Variants in SNW1 observed in about 807,000 individuals in gnomAD.
SNW1 encodes SNW domain-containing protein 1.
In SNW1, 9 loss-of-function variants were observed where a neutral mutation model predicts 75.6. The observed-to-expected ratio is 0.12, with a 90% CI of 0.07 to 0.21. The LOEUF (loss-of-function observed/expected upper bound fraction) is 0.21, where lower values mean the gene tolerates loss of function less well. Among genes scored for constraint, SNW1 ranks in the 10% least tolerant of loss-of-function variants. SNW1 has a pLI of 1.00. For missense variants in SNW1, 409 were observed against 670.9 expected, an observed-to-expected ratio of 0.61 and a Z score of 4.31; for synonymous variants, 200 against 219.1, an observed-to-expected ratio of 0.91 and a Z score of 0.77.
intron 1 of SNW1, among the ~76,000 whole-genome samples, chr14:77,757,224 C>CAA (rs201528915): frequency 0.012 from 1,666 of 142,358 alleles, 17 homozygotes; most frequent in African/African-American, 0.04. Flanking sequence ...AGACAGAGAC[C>CAA]AAAAAAAAAA....
intron 1 of SNW1, among the ~76,000 whole-genome samples, chr14:77,756,328 C>T (rs971942746): frequency 4.0e-5 from 6 of 151,682 alleles, no homozygotes; most frequent in Non-Finnish European, 1.5e-5. Context: ...CATGTTGGCC[C>T]ATGTTGGTCA....
At chr14:77,757,658 A>C (rs189075915) in intron 1 of SNW1, among the ~76,000 whole-genome samples, 1 of 152,284 alleles carries the variant, frequency 6.6e-6, no homozygotes, top group Admixed American at 6.5e-5. Flanking sequence ...ACTGTATTGC[A>C]ATCATCTACT....
At position 77,761,117 on chromosome 14, in the gene SNW1, G is replaced by A. The variant is rs900618935; in HGVS notation, c.11C>T (p.Thr4Ile). Reference sequence around the variant, plus strand: ...AGGACCCCAATCAACAACCCACCTGGTGAGCGCCATCTTCTTCCGCTTCTT... The same window carrying A: ...AGGACCCCAATCAACAACCCACCTGATGAGCGCCATCTTCTTCCGCTTCTT... MAL[T>I]SFLPAPTQLS... The change falls in exon 1 of 14, where the codon ACC becomes ATC. Residue 4 changes from threonine to isoleucine, a missense_variant. By Grantham distance (89) the Thr-to-Ile change is moderately conservative. Coordinates refer to ENST00000261531, the MANE Select transcript of SNW1 (RefSeq NM_012245.3). 2.2e-5 allele frequency: 35 copies of A among 1,614,086 alleles called. No homozygotes were observed. In the Middle Eastern group the frequency reaches 4.9e-4, roughly 23 times the overall value.
At chr14:77,743,297 TAAAA>T (rs1194615773) in intron 3 of SNW1, among the ~76,000 whole-genome samples, 1 of 151,880 alleles carries the variant, frequency 6.6e-6, no homozygotes, top group Non-Finnish European at 1.5e-5. Flanking sequence ...AGATTTACAC[TAAAA>T]AAAACTTTTT....
intron 3 of SNW1, among the ~76,000 whole-genome samples, chr14:77,740,058 C>T (rs1296124410): frequency 1.3e-5 from 2 of 148,358 alleles, no homozygotes; most frequent in African/African-American, 5.0e-5. Context: ...GGCTTTAACC[C>T]GGGAGGAAGA....
chr14:77,731,217 A>G lies in SNW1; in HGVS notation c.892-88T>C, dbSNP rs2139903144. 2.2e-6 allele frequency: 3 copies of G among 1,389,958 alleles called. No individual in the cohort carries two copies. The East Asian group carries it at 6.9e-5, about 32-fold the overall frequency. The allele number at this position is 1,389,958 out of a possible 1,614,324, so 86.1% of individuals were successfully genotyped here. On this transcript the variant is annotated intron_variant, in intron 9 of 13. Coordinates refer to ENST00000261531, the MANE Select transcript of SNW1 (RefSeq NM_012245.3). ...CCAACTCCCTAACATCTGGCTGGTA[A>G]GAGCAATTATACAGAATTCAGATTT...
intron 3 of SNW1, among the ~76,000 whole-genome samples, chr14:77,740,757 T>C (rs1259150255): frequency 6.6e-6 from 1 of 152,162 alleles, no homozygotes; most frequent in South Asian, 2.1e-4. Context: ...GTTCACAGCA[T>C]GAAATTATCT....
Position 77,747,899 on chromosome 14 carries a change from C to T in SNW1, c.330+3420G>A, listed in dbSNP as rs1352935123. 4.6e-5 allele frequency among the ~76,000 whole-genome samples: 7 copies of T among 152,262 alleles called. No individual in the cohort carries two copies. In the East Asian group the frequency reaches 9.7e-4, roughly 21 times the overall value. The stretch of plus-strand genomic sequence containing the variant: ...GAGCCCCTCTGCCCAGAGGCCACCC[C>T]GTCTGGGAGGTGTACCCAACAGCTC... On this transcript the variant is annotated intron_variant, in intron 3 of 13. Coordinates refer to ENST00000261531, the MANE Select transcript of SNW1 (RefSeq NM_012245.3).
intron 3 of SNW1, among the ~76,000 whole-genome samples, chr14:77,747,455 C>T (rs2080770065): frequency 6.6e-6 from 1 of 151,778 alleles, no homozygotes; most frequent in South Asian, 2.1e-4. Flanking sequence ...CGGCCGCCAT[C>T]CCGTCTAGGA....
intron 3 of SNW1, among the ~76,000 whole-genome samples, chr14:77,749,751 TAAAC>T (rs1026169363): frequency 2.4e-4 from 37 of 151,924 alleles, no homozygotes; most frequent in Admixed American, 1.0e-3. Context: ...TAAAAAAGAA[TAAAC>T]AAACAAATGA....
In SNW1 at chr14:77,734,528, G is replaced by A. The variant is rs545528126; in HGVS notation, c.774+419C>T. Among the ~76,000 whole-genome samples, 7 of 152,218 alleles carry A rather than the reference G, an allele frequency of 4.6e-5. No individual in the cohort carries two copies. The South Asian group carries it at 8.3e-4, about 18-fold the overall frequency. On this transcript the variant is annotated intron_variant, in intron 8 of 13. Transcript: ENST00000261531. The stretch of plus-strand genomic sequence containing the variant: ...GCCGAGGCCGGCGGATCACAAGGTC[G>A]GGAGATCAAGACCAACCTGGCCAAC...
intron 3 of SNW1, among the ~76,000 whole-genome samples, chr14:77,749,909 T>C (rs974444791): frequency 6.6e-6 from 1 of 151,724 alleles, no homozygotes; most frequent in African/African-American, 2.4e-5. Context: ...TATGGCAAGA[T>C]CAGGTGTAGA....
At chr14:77,739,642 CTA>C (rs959779795) in intron 3 of SNW1, among the ~76,000 whole-genome samples, 110 of 151,790 alleles carry the variant, frequency 7.2e-4, no homozygotes, top group African/African-American at 2.5e-3. Context: ...AAAATATATT[CTA>C]TATATACAAC....
chr14:77,761,077 G>A, intron 1 of SNW1, 37 bp downstream of exon 1: 1 of 1,614,254 alleles, frequency 6.2e-7, no homozygotes, highest in Middle Eastern at 1.6e-4. Flanking sequence ...GGTACTCCCA[G>A]ACCCTTCCGT....
intron 10 of SNW1, among the ~76,000 whole-genome samples, chr14:77,729,349 G>GT (rs1404949917): frequency 6.6e-6 from 1 of 151,566 alleles, no homozygotes; most frequent in Non-Finnish European, 1.5e-5. Context: ...ACTTTTTTTC[G>GT]TATCTCCACC....
chr14:77,719,101 G>T (rs2080516141), intron 12 of SNW1, among the ~76,000 whole-genome samples: 1 of 152,000 alleles, frequency 6.6e-6, no homozygotes, highest in Non-Finnish European at 1.5e-5. Flanking sequence ...ACAGGGTTTT[G>T]CCATATTGCC....
At chr14:77,718,611 C>A in intron 12 of SNW1, 81 bp from the exon 13 acceptor site, 1 of 927,980 alleles carries the variant, frequency 1.1e-6, no homozygotes, top group Non-Finnish European at 1.6e-6. Context: ...TACAGTAAAC[C>A]CTTGCTAATG....
chr14:77,729,630 A>G (rs1377039962), intron 10 of SNW1, among the ~76,000 whole-genome samples: 3 of 152,240 alleles, frequency 2.0e-5, no homozygotes. Flanking sequence ...TATAGTTAAC[A>G]GTACTGCATT....
Position 77,761,154 on chromosome 14 carries a change from G to C in SNW1, c.-27C>G, listed in dbSNP as rs773358379. ...TTCTTCCGCTTCTTCCAGCGCGAGC[G>C]ACAGCACCGCTGGGCGGGTCTTTCC... On this transcript the variant is annotated 5_prime_UTR_variant, in exon 1 of 14. Coordinates refer to ENST00000261531, the MANE Select transcript of SNW1 (RefSeq NM_012245.3). The C allele has an allele frequency of 1.9e-6, 3 of 1,614,124 alleles. No homozygotes were observed. In the African/African-American group the frequency reaches 4.0e-5, roughly 22 times the overall value.
Sources: allele counts gnomAD v4.1 joint callset (sites outside exome capture counted in the v4.1 genomes callset), GRCh38; gene constraint gnomAD v4.1.1; transcripts MANE v1.5; gene names NCBI Gene and HGNC (gene_info 2026-07-23, HGNC 2026-07-21).